Variants in SDK1 observed in about 807,000 individuals in gnomAD.
The protein encoded by SDK1 is sidekick cell adhesion molecule 1, also known as protein sidekick-1.
Under a neutral mutation model 245.5 loss-of-function variants are expected in SDK1, and 157 were observed. That is an observed-to-expected ratio of 0.64 (90% CI 0.56 to 0.73). The LOEUF is 0.73. SDK1 is among the 30% of genes least tolerant of loss of function. The probability of loss-of-function intolerance (pLI) is 0.00; values close to 1 mark genes in which losing one functional copy is unlikely to be tolerated. For synonymous variants in SDK1, 1,647 were observed against 1,278.5 expected (o/e 1.29, Z -6.15); for missense variants, 3,583 against 3,002.3 (o/e 1.19, Z -4.52).
At chr7:3,971,337 C>T (rs1782470657) in intron 11 of SDK1, 129 bp from the exon 12 acceptor site, 2 of 674,010 alleles carry the variant, frequency 3.0e-6, no homozygotes, top group Middle Eastern at 7.3e-4. Context: ...GATCCATTTA[C>T]ACTCATTCTG....
intron 1 of SDK1, among the ~76,000 whole-genome samples, chr7:3,592,507 A>G (rs1780910205): frequency 6.6e-6 from 1 of 152,208 alleles, no homozygotes; most frequent in South Asian, 2.1e-4. Flanking sequence ...CATTCTTGCG[A>G]CATTTTAATG....
chr7:4,067,393 C>T (rs1184800318), intron 19 of SDK1, among the ~76,000 whole-genome samples: 1 of 152,166 alleles, frequency 6.6e-6, no homozygotes, highest in African/African-American at 2.4e-5. Context: ...ACCAGGTTGG[C>T]AGGTGAGCCT....
At chr7:4,076,040 T>C (rs574269696) in intron 20 of SDK1, among the ~76,000 whole-genome samples, 1 of 152,082 alleles carries the variant, frequency 6.6e-6, no homozygotes, top group East Asian at 1.9e-4. Flanking sequence ...GAAGAGAGTA[T>C]AGGGGGAAAT....
chr7:3,731,269 G>T (rs1456577192), intron 4 of SDK1, among the ~76,000 whole-genome samples: 2 of 152,142 alleles, frequency 1.3e-5, no homozygotes, highest in Non-Finnish European at 2.9e-5. Context: ...TTTCCTGGCA[G>T]TGGGTCCAGG....
intron 5 of SDK1, among the ~76,000 whole-genome samples, chr7:3,925,949 AAACGTGT>A (rs1779751712): frequency 6.6e-6 from 1 of 152,214 alleles, no homozygotes; most frequent in African/African-American, 2.4e-5. Context: ...TATGTTGAAC[AAACGTGT>A]TATCCCTTTT....
chr7:3,700,193 G>A (rs989987047), intron 4 of SDK1, among the ~76,000 whole-genome samples: 3 of 152,142 alleles, frequency 2.0e-5, no homozygotes, highest in Admixed American at 6.5e-5. Context: ...TACCCTTAAA[G>A]AACAGGTAAA....
intron 5 of SDK1, among the ~76,000 whole-genome samples, chr7:3,925,561 G>T (rs1779737974): frequency 6.6e-6 from 1 of 152,228 alleles, no homozygotes; most frequent in Non-Finnish European, 1.5e-5. Context: ...TGCTTCTCCA[G>T]AGACGGCGTG....
chr7:3,765,701 T>A (rs1418945473), intron 4 of SDK1, among the ~76,000 whole-genome samples: 1 of 152,236 alleles, frequency 6.6e-6, no homozygotes, highest in Non-Finnish European at 1.5e-5. Context: ...AATTTACATA[T>A]TGAAATGCAA....
At chr7:4,004,066 A>G (rs117634022) in intron 14 of SDK1, among the ~76,000 whole-genome samples, 1,898 of 152,352 alleles carry the variant, frequency 0.012, 19 homozygotes, top group Middle Eastern at 0.024. Flanking sequence ...AATGAAGATC[A>G]TTTTATCCCC....
chr7:3,587,340 T>A (rs1340151420), intron 1 of SDK1, among the ~76,000 whole-genome samples: 1 of 151,758 alleles, frequency 6.6e-6, no homozygotes, highest in African/African-American at 2.4e-5. Flanking sequence ...TAAAGAGATT[T>A]ATTAGAAGGT....
At chr7:3,331,160 A>G (rs1331251871) in intron 1 of SDK1, among the ~76,000 whole-genome samples, 1 of 152,126 alleles carries the variant, frequency 6.6e-6, no homozygotes, top group East Asian at 1.9e-4. Context: ...GCTACTTGGG[A>G]GGCTGAGGCA....
At chr7:3,639,643 A>T (rs985447995) in intron 3 of SDK1, among the ~76,000 whole-genome samples, 3 of 152,158 alleles carry the variant, frequency 2.0e-5, no homozygotes, top group South Asian at 2.1e-4. Flanking sequence ...AACAAAGGAG[A>T]TATCAAGAAT....
intron 14 of SDK1, among the ~76,000 whole-genome samples, chr7:4,008,240 A>G (rs1015327896): frequency 1.3e-5 from 2 of 152,250 alleles, no homozygotes; most frequent in Non-Finnish European, 2.9e-5. Flanking sequence ...AAGAAGCTGA[A>G]TAGTAGACAT....
At chr7:4,155,829 C>T (rs952264520) in intron 30 of SDK1, among the ~76,000 whole-genome samples, 3 of 152,100 alleles carry the variant, frequency 2.0e-5, no homozygotes, top group East Asian at 1.9e-4. Flanking sequence ...GAAAGGAGGC[C>T]GACTCGGTCC....
At chr7:3,624,987 C>T (rs1257520431) in intron 2 of SDK1, among the ~76,000 whole-genome samples, 5 of 151,920 alleles carry the variant, frequency 3.3e-5, no homozygotes, top group African/African-American at 9.7e-5. Context: ...TGCAGTAAGC[C>T]AAGATCATGC....
At chr7:3,423,853 A>T (rs867483980) in intron 1 of SDK1, among the ~76,000 whole-genome samples, 26 of 152,160 alleles carry the variant, frequency 1.7e-4, no homozygotes, top group Non-Finnish European at 1.3e-4. Flanking sequence ...AAATAAGTCA[A>T]ACCATTTGTT....
chr7:4,221,942 A>G (rs1785172421), intron 40 of SDK1, among the ~76,000 whole-genome samples: 1 of 152,116 alleles, frequency 6.6e-6, no homozygotes, highest in Non-Finnish European at 1.5e-5. Context: ...TGAGTTTCTG[A>G]TCGGGTGCGT....
intron 1 of SDK1, among the ~76,000 whole-genome samples, chr7:3,529,703 A>T (rs991329869): frequency 1.1e-4 from 16 of 152,242 alleles, no homozygotes; most frequent in African/African-American, 7.2e-5. Context: ...AGGATGTTTG[A>T]TGAGAAACAG....
intron 1 of SDK1, among the ~76,000 whole-genome samples, chr7:3,354,700 A>G (rs575774100): frequency 2.6e-5 from 4 of 152,340 alleles, no homozygotes; most frequent in East Asian, 1.9e-4. Flanking sequence ...GGTCTTGGGT[A>G]GATTATTTAA....
Sources: gnomAD v4.1 joint callset for allele counts (sites outside exome capture counted in the v4.1 genomes callset) on GRCh38, gnomAD v4.1.1 for gene constraint, MANE v1.5 for transcripts, NCBI Gene and HGNC (gene_info 2026-07-23, HGNC 2026-07-21) for gene names.